The following FBXL7 variants were observed in gnomAD, a reference collection of about 807,000 sequenced individuals.
FBXL7 encodes the protein F-box and leucine rich repeat protein 7, also known as F-box/LRR-repeat protein 7.
Under a neutral mutation model 38.3 loss-of-function variants are expected in FBXL7, and 12 were observed. The observed-to-expected ratio is 0.31, with a 90% CI of 0.20 to 0.51. The LOEUF (loss-of-function observed/expected upper bound fraction) is 0.51. FBXL7 is among the 20% of genes least tolerant of loss of function. The pLI, the probability that FBXL7 is intolerant of heterozygous loss-of-function variation, is 0.98. For synonymous variants in FBXL7, 297 were observed against 300.9 expected, an observed-to-expected ratio of 0.99 and a Z score of 0.13; for missense variants, 567 against 676.4, an observed-to-expected ratio of 0.84 and a Z score of 1.79.
chr5:15,723,107 A>C (rs1744246707), intron 2 of FBXL7, among the ~76,000 whole-genome samples: 1 of 152,190 alleles, frequency 6.6e-6, no homozygotes, highest in Non-Finnish European at 1.5e-5. Flanking sequence ...TGATTATCAC[A>C]GAATGCTTTT....
chr5:15,783,287 A>T (rs893887628), intron 2 of FBXL7, among the ~76,000 whole-genome samples: 3 of 152,298 alleles, frequency 2.0e-5, no homozygotes, highest in East Asian at 3.9e-4. Context: ...CGGCAAGTGC[A>T]CTGGGCAGCT....
chr5:15,664,644 G>T (rs1394603657), intron 2 of FBXL7, among the ~76,000 whole-genome samples: 1 of 151,290 alleles, frequency 6.6e-6, no homozygotes, highest in Non-Finnish European at 1.5e-5. Flanking sequence ...GCTAATTTTT[G>T]TATTTTTAGT....
chr5:15,698,415 G>C (rs1479202115), intron 2 of FBXL7, among the ~76,000 whole-genome samples: 1 of 152,106 alleles, frequency 6.6e-6, no homozygotes, highest in Non-Finnish European at 1.5e-5. Flanking sequence ...TACCGAAAAA[G>C]AAAAATCTCA....
intron 2 of FBXL7, among the ~76,000 whole-genome samples, chr5:15,854,632 A>G (rs1739199167): frequency 1.3e-5 from 2 of 152,194 alleles, no homozygotes; most frequent in South Asian, 4.1e-4. Context: ...TTGAATTTGA[A>G]CATATTAAGA....
intron 3 of FBXL7, among the ~76,000 whole-genome samples, chr5:15,935,830 G>A (rs138281690): frequency 4.6e-5 from 7 of 152,232 alleles, no homozygotes; most frequent in Non-Finnish European, 1.0e-4. Flanking sequence ...CTGAAGTGTC[G>A]GCTCACCACC....
chr5:15,640,767 G>A (rs966517441), intron 2 of FBXL7, among the ~76,000 whole-genome samples: 12 of 152,138 alleles, frequency 7.9e-5, no homozygotes, highest in African/African-American at 9.7e-5. Context: ...CAAGTGATCC[G>A]CCCACCTTGG....
intron 2 of FBXL7, among the ~76,000 whole-genome samples, chr5:15,890,468 C>T (rs1362471923): frequency 2.0e-5 from 3 of 152,024 alleles, no homozygotes; most frequent in Admixed American, 6.6e-5. Flanking sequence ...CTTGAACTCT[C>T]GACCTCAGGT....
chr5:15,742,282 A>G (rs1735911782), intron 2 of FBXL7, among the ~76,000 whole-genome samples: 1 of 152,190 alleles, frequency 6.6e-6, no homozygotes, highest in Admixed American at 6.5e-5. Flanking sequence ...AGACATTTTA[A>G]AATATAGAGT....
chr5:15,690,998 T>C (rs1008663507), intron 2 of FBXL7, among the ~76,000 whole-genome samples: 19 of 152,252 alleles, frequency 1.2e-4, no homozygotes, highest in Admixed American at 1.0e-3. Context: ...CCTTTTCATC[T>C]TCACTTAAAA....
At chr5:15,821,702 T>G (rs1738173632) in intron 2 of FBXL7, among the ~76,000 whole-genome samples, 1 of 152,208 alleles carries the variant, frequency 6.6e-6, no homozygotes, top group Non-Finnish European at 1.5e-5. Flanking sequence ...TTTGGAAATC[T>G]GAGATGAAAG....
intron 2 of FBXL7, among the ~76,000 whole-genome samples, chr5:15,894,017 G>A (rs1176539192): frequency 2.6e-5 from 4 of 152,268 alleles, no homozygotes; most frequent in Admixed American, 2.6e-4. Context: ...GCCAGGCGCG[G>A]TGGCTTACGC....
At chr5:15,763,810 G>C (rs1391103741) in intron 2 of FBXL7, among the ~76,000 whole-genome samples, 4 of 152,168 alleles carry the variant, frequency 2.6e-5, no homozygotes, top group African/African-American at 9.7e-5. Flanking sequence ...TACAGATAGA[G>C]CTATATGAGA....
At chr5:15,767,476 A>T (rs1736621714) in intron 2 of FBXL7, among the ~76,000 whole-genome samples, 1 of 152,130 alleles carries the variant, frequency 6.6e-6, no homozygotes, top group African/African-American at 2.4e-5. Context: ...CTGCCTCCCC[A>T]AGACCCAGAA....
intron 2 of FBXL7, among the ~76,000 whole-genome samples, chr5:15,727,044 A>C (rs1384415806): frequency 6.6e-6 from 1 of 152,152 alleles, no homozygotes; most frequent in Non-Finnish European, 1.5e-5. Flanking sequence ...AACATCCTGA[A>C]GTTATGCCAT....
chr5:15,649,335 A>G (rs530148547), intron 2 of FBXL7, among the ~76,000 whole-genome samples: 3 of 152,324 alleles, frequency 2.0e-5, no homozygotes, highest in African/African-American at 7.2e-5. Context: ...CTATAATTTG[A>G]CATTGGAAAT....
At chr5:15,924,780 C>A (rs890105591) in intron 2 of FBXL7, among the ~76,000 whole-genome samples, 5 of 152,088 alleles carry the variant, frequency 3.3e-5, no homozygotes, top group African/African-American at 1.2e-4. Context: ...AGGTGTGCCA[C>A]CACACCTGAC....
At chr5:15,765,488 C>G (rs1338433546) in intron 2 of FBXL7, among the ~76,000 whole-genome samples, 3 of 152,138 alleles carry the variant, frequency 2.0e-5, no homozygotes, top group Non-Finnish European at 4.4e-5. Flanking sequence ...TGTTATGACA[C>G]CAGGTTCTCT....
At chr5:15,518,368 A>G (rs893270134) in intron 1 of FBXL7, among the ~76,000 whole-genome samples, 1 of 152,084 alleles carries the variant, frequency 6.6e-6, no homozygotes, top group Non-Finnish European at 1.5e-5. Flanking sequence ...CCTGCCACTT[A>G]TTTTTATTAT....
rs544593866 is a variant in FBXL7, at chr5:15,618,424, T to A, written c.127+2352T>A. ...TGAATCCTTTTTGCTGTAGTTTTTT[T>A]AATCAATTAAAACAAAATATTAAAA... On this transcript the variant is annotated intron_variant, in intron 2 of 3. Transcript: ENST00000504595. Among the ~76,000 whole-genome samples, 133 of 152,356 alleles carry A rather than the reference T, an allele frequency of 8.7e-4. 3 individuals carry two copies. The highest frequency in any genetic ancestry group is 4.3e-4 in the Non-Finnish European group (29 of 68,034).
Sources: allele counts gnomAD v4.1 joint callset (sites outside exome capture counted in the v4.1 genomes callset), GRCh38; gene constraint gnomAD v4.1.1; transcripts MANE v1.5; gene names NCBI Gene and HGNC (gene_info 2026-07-23, HGNC 2026-07-21).